Variants in AFF4 observed in about 807,000 individuals in gnomAD.
AFF4 encodes ALF transcription elongation factor 4.
AFF4 carries 13 observed loss-of-function variants against 124.8 expected under a neutral mutation model. The ratio of observed to expected loss-of-function variants is 0.10; its 90% CI spans 0.07 to 0.17. AFF4 has a LOEUF of 0.17. Among genes scored for constraint, AFF4 ranks in the 10% least tolerant of loss-of-function variants. The pLI, the probability that AFF4 is intolerant of heterozygous loss-of-function variation, is 1.00. For missense variants in AFF4, 1,092 were observed against 1,403.8 expected, an observed-to-expected ratio of 0.78 and a Z score of 3.55; for synonymous variants, 477 against 496.1, an observed-to-expected ratio of 0.96 and a Z score of 0.51.
intron 1 of AFF4, among the ~76,000 whole-genome samples, chr5:132,953,647 C>CTAA (rs1228544237): frequency 6.6e-6 from 1 of 152,162 alleles, no homozygotes; most frequent in Non-Finnish European, 1.5e-5. Flanking sequence ...GATCCTCATC[C>CTAA]TAATAGTAAT....
At chr5:132,887,392 C>T (rs1002168912) in intron 17 of AFF4, 129 bp downstream of exon 17, 33 of 797,960 alleles carry the variant, frequency 4.1e-5, no homozygotes, top group Non-Finnish European at 6.1e-5. Context: ...CCTGCTTGAC[C>T]CATCAGGAAC....
rs762630919 is a variant in AFF4, at chr5:132,902,461, T to C, written c.1114A>G (p.Asn372Asp). The C allele has an allele frequency of 3.1e-6, 5 of 1,609,286 alleles. No homozygotes were observed. Among genetic ancestry groups the C allele is most frequent in the Admixed American group, 1.7e-5 (1 of 59,986 alleles). The change falls in exon 7 of 21, where the codon AAT (asparagine) becomes GAT (aspartate). Residue 372 changes from asparagine (N) to aspartate (D), a missense_variant. Transcript: ENST00000265343. ...QKRYNPSKTSNGHQSKSMLKD... is the reference protein window; with the variant it reads ...QKRYNPSKTSDGHQSKSMLKD... ...ACTTACGATTTAGACTGGTGCCCAT[T>C]TGAAGTTTTAGAAGGATTATATCTT...
intron 19 of AFF4, 146 bp downstream of exon 19, chr5:132,884,930 G>GA: frequency 1.8e-6 from 1 of 551,048 alleles, no homozygotes; most frequent in Non-Finnish European, 3.2e-6. Flanking sequence ...AAAATACAGA[G>GA]AAAAAATTAT....
At chr5:132,918,756 A>G (rs1485445450) in intron 5 of AFF4, among the ~76,000 whole-genome samples, 1 of 152,166 alleles carries the variant, frequency 6.6e-6, no homozygotes, top group Non-Finnish European at 1.5e-5. Context: ...GAGAGAAATA[A>G]GGACTCATGG....
In AFF4 at chr5:132,963,327, C is replaced by T; in HGVS notation, c.-73G>A. On this transcript the variant is annotated 5_prime_UTR_variant, in exon 1 of 21. Transcript: ENST00000265343. The stretch of plus-strand genomic sequence containing the variant: ...GGCAGTGGCGGCGCCGGGCCTGCAC[C>T]TTCACCGGACGCGCATTCGAGCCCG... 1 of 396,780 alleles carries T rather than the reference C, an allele frequency of 2.5e-6. No homozygotes were observed. Among genetic ancestry groups the T allele is most frequent in the Non-Finnish European group, 4.4e-6 (1 of 224,856 alleles). 24.6% of individuals were successfully genotyped at this position (396,780 alleles called of 1,614,324 possible).
intron 4 of AFF4, among the ~76,000 whole-genome samples, chr5:132,930,249 G>A (rs1761268270): frequency 6.6e-6 from 1 of 152,186 alleles, no homozygotes; most frequent in Admixed American, 6.5e-5. Context: ...AAGAATGGTG[G>A]AAAAGGCAAG....
intron 4 of AFF4, among the ~76,000 whole-genome samples, chr5:132,928,774 T>G (rs906565412): frequency 6.6e-6 from 1 of 152,204 alleles, no homozygotes; most frequent in African/African-American, 2.4e-5. Context: ...CTAGTTAATG[T>G]TTAGCTTTGG....
At chr5:132,893,608 C>T (rs1319749548) in intron 11 of AFF4, among the ~76,000 whole-genome samples, 1 of 152,110 alleles carries the variant, frequency 6.6e-6, no homozygotes, top group Non-Finnish European at 1.5e-5. Context: ...ACCTCTACCT[C>T]CCAGGTTCAA....
chr5:132,886,956 A>G (rs1760134471), intron 17 of AFF4, among the ~76,000 whole-genome samples: 1 of 152,168 alleles, frequency 6.6e-6, no homozygotes, highest in African/African-American at 2.4e-5. Flanking sequence ...TTACAGTTAC[A>G]TATACTTTTC....
intron 4 of AFF4, among the ~76,000 whole-genome samples, chr5:132,930,159 A>G (rs912966513): frequency 2.5e-4 from 38 of 152,200 alleles, no homozygotes; most frequent in African/African-American, 8.9e-4. Context: ...AACTCAGCTA[A>G]GAAGCAATTA....
At chr5:132,892,797 TCA>T (rs1259588105) in intron 12 of AFF4, among the ~76,000 whole-genome samples, 1 of 152,054 alleles carries the variant, frequency 6.6e-6, no homozygotes, top group African/African-American at 2.4e-5. Flanking sequence ...CCCCCCATAC[TCA>T]CCCCTACCCC....
In AFF4 at chr5:132,945,221, A is replaced by C. The variant is rs561785230; in HGVS notation, c.-4-8028T>G. 8 of 152,380 alleles carry C rather than the reference A, an allele frequency of 5.3e-5. 1 individual carries two copies. The highest frequency in any genetic ancestry group is 3.9e-4 in the East Asian group (2 of 5,184). The allele number at this position is 152,380 out of a possible 1,614,324, so 9.4% of individuals were successfully genotyped here. The stretch of plus-strand genomic sequence containing the variant: ...GATGACTGTTTTGTGATCCATTTTC[A>C]GTTTTTTTCATGTGGCAGTTTTAAA... On this transcript the variant is annotated intron_variant, in intron 1 of 20. Coordinates refer to ENST00000265343, the MANE Select transcript of AFF4 (RefSeq NM_014423.4).
At chr5:132,903,920 A>G (rs1000301160) in intron 6 of AFF4, 2 of 153,252 alleles carry the variant, frequency 1.3e-5, no homozygotes, top group Admixed American at 6.5e-5. Context: ...TTTTTAAAGC[A>G]TAACAATTTT....
chr5:132,962,390 AT>A (rs1762098969), intron 1 of AFF4, among the ~76,000 whole-genome samples: 1 of 152,232 alleles, frequency 6.6e-6, no homozygotes, highest in African/African-American at 2.4e-5. Context: ...AAGAAACCGC[AT>A]AATTCTGAAT....
chr5:132,884,992 C>T lies in AFF4; in HGVS notation c.3143+84G>A, dbSNP rs1420833405. On this transcript the variant is annotated intron_variant, in intron 19 of 20. Transcript: ENST00000265343. Reference sequence around the variant, plus strand: ...TGGTTTTACTTATTTAAAAAGTAGTCATCTTTCCATTTTTGGAAATTGGAC... The same window carrying T: ...TGGTTTTACTTATTTAAAAAGTAGTTATCTTTCCATTTTTGGAAATTGGAC... The T allele has an allele frequency of 1.4e-5, 12 of 859,536 alleles. No individual in the cohort carries two copies. In the Admixed American group the frequency reaches 2.9e-4, roughly 21 times the overall value. 53.2% of individuals were successfully genotyped at this position (859,536 alleles called of 1,614,324 possible). A position where few individuals can be genotyped will look rare whatever the true frequency, so the allele number is the denominator to read the frequency against.
At chr5:132,918,117 G>A (rs186193289) in intron 5 of AFF4, among the ~76,000 whole-genome samples, 1 of 151,810 alleles carries the variant, frequency 6.6e-6, no homozygotes, top group East Asian at 2.0e-4. Context: ...ACAGGGCCGG[G>A]TACTGTGGCT....
Position 132,877,682 on chromosome 5 carries a change from C to A in AFF4, c.*3377G>T. 1 of 211,734 alleles carries A rather than the reference C, an allele frequency of 4.7e-6. No homozygotes were observed. Among genetic ancestry groups the A allele is most frequent in the Non-Finnish European group, 9.6e-6 (1 of 104,034 alleles). The allele number at this position is 211,734 out of a possible 1,614,324, so 13.1% of individuals were successfully genotyped here. ...TGCTCTGAAACTCCAGAGTACTGGC[C>A]TCTAGAGCCAGAACTTTCATTTATA... On this transcript the variant is annotated 3_prime_UTR_variant, in exon 21 of 21. Transcript: ENST00000265343.
intron 1 of AFF4, among the ~76,000 whole-genome samples, chr5:132,939,992 G>C (rs62385348): frequency 0.38 from 57,189 of 152,066 alleles, 11,457 homozygotes; most frequent in East Asian, 0.59. Flanking sequence ...GAGGTAAGGA[G>C]TTCAAGACCA....
In AFF4 at chr5:132,932,204, C is replaced by G. The variant is rs764100784; in HGVS notation, c.937G>C (p.Val313Leu). 1.2e-6 allele frequency: 2 copies of G among 1,607,122 alleles called. No homozygotes were observed. The highest frequency in any genetic ancestry group is 1.7e-5 in the Admixed American group (1 of 58,828). ...TTTAGGATTTCATCCACACAGCTCA[C>G]ATCACCAGAAGCTGATGCCTTGAAA... is the stretch of plus-strand genomic sequence containing the variant. Reference protein sequence around the residue: ...QPLDASASGDVSCVDEILKEM... With the variant: ...QPLDASASGDLSCVDEILKEM... Residue 313 changes from valine (V) to leucine (L), a missense_variant, in exon 4 of 21, where the codon GTG (valine) becomes CTG (leucine). Coordinates refer to ENST00000265343, the MANE Select transcript of AFF4 (RefSeq NM_014423.4).
Sources: gnomAD v4.1 joint callset for allele counts (sites outside exome capture counted in the v4.1 genomes callset) on GRCh38, gnomAD v4.1.1 for gene constraint, MANE v1.5 for transcripts, NCBI Gene and HGNC (gene_info 2026-07-23, HGNC 2026-07-21) for gene names.